The following NASP variants were observed in gnomAD, a reference collection of about 807,000 sequenced individuals.
NASP encodes the protein nuclear autoantigenic sperm protein.
In NASP, 24 loss-of-function variants were observed where a neutral mutation model predicts 89.5. The ratio of observed to expected loss-of-function variants is 0.27; its 90% CI spans 0.19 to 0.38. NASP has a LOEUF of 0.38. Among genes scored for constraint, NASP ranks in the 10% least tolerant of loss-of-function variants. The probability of loss-of-function intolerance (pLI) is 1.00; values close to 1 mark genes in which losing one functional copy is unlikely to be tolerated. For synonymous variants in NASP, 306 were observed against 324.7 expected, an observed-to-expected ratio of 0.94 and a Z score of 0.62; for missense variants, 848 against 921.4, an observed-to-expected ratio of 0.92 and a Z score of 1.03.
intron 13 of NASP, among the ~76,000 whole-genome samples, chr1:45,616,905 C>T (rs1266682426): frequency 6.6e-6 from 1 of 152,056 alleles, no homozygotes; most frequent in East Asian, 1.9e-4. Context: ...AGTGCAGTGG[C>T]GCAGTCTCGG....
rs144748411 is a variant in NASP at position 45,616,650 on chromosome 1, G to A, written c.2104G>A (p.Gly702Ser). 4.1e-4 allele frequency: 657 copies of A among 1,614,072 alleles called. 2 individuals are homozygous for A. The highest frequency in any genetic ancestry group is 9.3e-4 in the South Asian group (85 of 91,080). The change falls in exon 13 of 15, where the codon GGT (glycine) becomes AGT (serine). Residue 702 changes from glycine to serine, a missense_variant. Coordinates refer to ENST00000350030, the MANE Select transcript of NASP (RefSeq NM_002482.4). Reference sequence around the variant, plus strand: ...GATTGCCAGTAGAAAGCCAACAGACGGTGCTTCCTCATCAAATTGTGTGAC... The same window carrying A: ...GATTGCCAGTAGAAAGCCAACAGACAGTGCTTCCTCATCAAATTGTGTGAC... ...SMIASRKPTD[G>S]ASSSNCVTDI...
At chr1:45,617,347 A>G in intron 13 of NASP, 116 bp from the exon 14 acceptor site, 2 of 1,223,758 alleles carry the variant, frequency 1.6e-6, no homozygotes, top group Admixed American at 4.3e-5. Context: ...AGACCCTTAG[A>G]GCTGTGAATC....
In NASP at chr1:45,607,341, A is replaced by T; in HGVS notation, c.430A>T (p.Arg144Ter). The T allele has an allele frequency of 6.2e-7, 1 of 1,614,044 alleles. No homozygotes were observed. ...TGTAGAGGAAGCAAGGGAAGAGTTG[A>T]GAGAACAGGTTTATGACGCCATGGG... Reference protein sequence around the residue: ...NIDEEAREELREQVYDAMGEK... With the variant: ...NIDEEAREEL Residue 144 changes from arginine to a stop codon, truncating the protein, a stop_gained, in exon 6 of 15, where the codon AGA (arginine) becomes TGA (stop). Transcript: ENST00000350030. LOFTEE classifies it high-confidence loss of function.
intron 2 of NASP, among the ~76,000 whole-genome samples, chr1:45,594,428 T>C (rs750126463): frequency 2.0e-5 from 3 of 152,218 alleles, no homozygotes; most frequent in Non-Finnish European, 4.4e-5. Context: ...CACAATACTT[T>C]CAAGGGGGTT....
Position 45,599,527 on chromosome 1 carries a change from A to G in NASP, c.108-2728A>G, listed in dbSNP as rs547592727. 6.2e-4 allele frequency among the ~76,000 whole-genome samples: 94 copies of G among 152,154 alleles called. No individual in the cohort carries two copies. In the South Asian group the frequency reaches 0.019, roughly 31 times the overall value. Reference sequence around the variant, plus strand: ...ACTGCAACCTCTGCCTCCCTGGTTCAAGCAATTCTTCTGCCTCAGTCTCCC... The same window carrying G: ...ACTGCAACCTCTGCCTCCCTGGTTCGAGCAATTCTTCTGCCTCAGTCTCCC... On this transcript the variant is annotated intron_variant, in intron 2 of 14. Coordinates refer to ENST00000350030, the MANE Select transcript of NASP (RefSeq NM_002482.4).
At chr1:45,587,805 C>T (rs2148326914) in intron 1 of NASP, among the ~76,000 whole-genome samples, 1 of 151,160 alleles carries the variant, frequency 6.6e-6, no homozygotes, top group Non-Finnish European at 1.5e-5. Flanking sequence ...GCATCAGCCT[C>T]CCAAGTAGCT....
At position 45,606,494 on chromosome 1, in the gene NASP, T is replaced by C. The variant is rs1291013845; in HGVS notation, c.312T>C (p.Gly104=). 1 of 1,613,306 alleles carries C rather than the reference T, an allele frequency of 6.2e-7. No individual in the cohort carries two copies. Among genetic ancestry groups the C allele is most frequent in the Admixed American group, 1.7e-5 (1 of 60,006 alleles). The change falls in exon 5 of 15, where the codon GGT becomes GGC. Residue 104 remains glycine, a synonymous_variant. Coordinates refer to ENST00000350030, the MANE Select transcript of NASP (RefSeq NM_002482.4). ...TTTGTTCTCCTAGAATGGAGAATGG[T>C]GTGTTGGGAAACGCCTTGGAAGGTG... The part of the protein sequence containing the change: ...SLLELARMEN[G]VLGNALEGVH...
At chr1:45,586,239 CGTGTGTGTGTGTGTGTGTGTGTGT>C (rs537983711) in intron 1 of NASP, among the ~76,000 whole-genome samples, 37 of 110,292 alleles carry the variant, frequency 3.4e-4, no homozygotes, top group African/African-American at 1.1e-3. Flanking sequence ...CCTACCGTGC[CGTGTGTGTGTGTGTGTGTGTGTGT>C]GTGTGTGTGT....
intron 2 of NASP, among the ~76,000 whole-genome samples, chr1:45,595,786 T>G (rs1643681435): frequency 6.6e-6 from 1 of 152,224 alleles, no homozygotes; most frequent in Admixed American, 6.5e-5. Flanking sequence ...TGAAGTTTAT[T>G]AATTCTCAGT....
intron 2 of NASP, 47 bp downstream of exon 2, chr1:45,591,317 T>C (rs1643543033): frequency 8.5e-7 from 1 of 1,178,562 alleles, no homozygotes; most frequent in Admixed American, 2.5e-5. Context: ...AAACATAAAC[T>C]AAGAGCAATA....
rs183069137 is a variant in NASP at position 45,605,947 on chromosome 1, T to A, written c.300-535T>A. ...ATGCGCCACCATGTCCAGCTAATTT[T>A]GTATTTTTAGTAGAGATGGGGTTTC... On this transcript the variant is annotated intron_variant, in intron 4 of 14. Transcript: ENST00000350030. Among the ~76,000 whole-genome samples the A allele has an allele frequency of 2.0e-3, 300 of 152,158 alleles. 2 individuals are homozygous for A. The highest frequency in any genetic ancestry group is 5.5e-3 in the Admixed American group (84 of 15,294).
chr1:45,603,763 C>T (rs1448044624), intron 3 of NASP, among the ~76,000 whole-genome samples: 1 of 152,082 alleles, frequency 6.6e-6, no homozygotes, highest in Non-Finnish European at 1.5e-5. Context: ...GCATGCATCA[C>T]CACGCCTGCC....
chr1:45,597,419 CT>C (rs1643727482), intron 2 of NASP, among the ~76,000 whole-genome samples: 1 of 145,100 alleles, frequency 6.9e-6, no homozygotes, highest in Admixed American at 7.3e-5. Context: ...AACTACATAT[CT>C]GTATCAAGTC....
chr1:45,609,727 A>G (rs1351014633), intron 6 of NASP: 2 of 152,190 alleles, frequency 1.3e-5, no homozygotes, highest in Non-Finnish European at 2.9e-5. Context: ...AAACAATACT[A>G]TGTGATAGGT....
chr1:45,615,084 G>C lies in NASP; in HGVS notation c.1738G>C (p.Asp580His), dbSNP rs1033232856. ...GCAGGAACAGTACCTGGAAGCCCACGACCGTCTCCTTGCAGAGACCCACTA... is the reference window on the plus strand; with the variant it reads ...GCAGGAACAGTACCTGGAAGCCCACCACCGTCTCCTTGCAGAGACCCACTA... ...NLQEQYLEAH[D>H]RLLAETHYQL... Residue 580 changes from aspartate to histidine, a missense_variant, in exon 10 of 15, where the codon GAC becomes CAC. Around this residue, in one of 5 missense-constraint regions of NASP, gnomAD observed 60 missense variants for 114.6 expected, o/e 0.52. Transcript: ENST00000350030. 6.2e-7 allele frequency: 1 copy of C among 1,614,114 alleles called. No individual in the cohort carries two copies. Among genetic ancestry groups the C allele is most frequent in the Non-Finnish European group, 8.5e-7 (1 of 1,180,028 alleles).
chr1:45,606,905 A>AT (rs1274282937), intron 5 of NASP, among the ~76,000 whole-genome samples: 1 of 152,128 alleles, frequency 6.6e-6, no homozygotes, highest in Non-Finnish European at 1.5e-5. Flanking sequence ...TCTGATGCAA[A>AT]TTTTTTTAAA....
intron 11 of NASP, among the ~76,000 whole-genome samples, chr1:45,615,983 T>C (rs1027923930): frequency 6.6e-6 from 1 of 152,200 alleles, no homozygotes; most frequent in African/African-American, 2.4e-5. Flanking sequence ...AATAGACATT[T>C]CTTAAAAAAT....
chr1:45,594,036 AAAAGG>A (rs1043099737), intron 2 of NASP, among the ~76,000 whole-genome samples: 15 of 151,712 alleles, frequency 9.9e-5, no homozygotes, highest in African/African-American at 3.6e-4. Flanking sequence ...CTCCAAAAAA[AAAAGG>A]AAAGAAACAA....
intron 1 of NASP, chr1:45,588,748 C>T (rs2148328425): frequency 3.2e-6 from 1 of 311,596 alleles, no homozygotes; most frequent in African/African-American, 2.3e-5. Flanking sequence ...ACCATCCTGG[C>T]TAACACGGTG....
Sources: gnomAD v4.1 joint callset for allele counts (sites outside exome capture counted in the v4.1 genomes callset) on GRCh38, gnomAD v4.1.1 for gene constraint, gnomAD v4.1.1 regional missense constraint, MANE v1.5 for transcripts, NCBI Gene and HGNC (gene_info 2026-07-23, HGNC 2026-07-21) for gene names.